The following TACC1 variants were observed in gnomAD, a reference collection of about 807,000 sequenced individuals.
TACC1 encodes the protein transforming acidic coiled-coil-containing protein 1.
Under a neutral mutation model 84.4 loss-of-function variants are expected in TACC1, and 48 were observed. The observed-to-expected ratio is 0.57, with a 90% CI of 0.45 to 0.72. TACC1 has a LOEUF of 0.72. Among genes scored for constraint, TACC1 ranks in the 30% least tolerant of loss-of-function variants. TACC1 has a pLI of 0.00. For missense variants in TACC1, 920 were observed against 973.0 expected (o/e 0.95, Z 0.72); for synonymous variants, 372 against 376.3 (o/e 0.99, Z 0.13).
At chr8:38,762,004 A>G (rs1369030516) in intron 3 of TACC1, among the ~76,000 whole-genome samples, 1 of 152,248 alleles carries the variant, frequency 6.6e-6, no homozygotes, top group African/African-American at 2.4e-5. Flanking sequence ...AATTATTTGT[A>G]TCTACTGAAT....
intron 1 of TACC1, among the ~76,000 whole-genome samples, chr8:38,737,401 G>A (rs1806172780): frequency 6.6e-6 from 1 of 152,228 alleles, no homozygotes. Flanking sequence ...CACTCACAGT[G>A]CCAGTTCTCG....
intron 2 of TACC1, among the ~76,000 whole-genome samples, chr8:38,817,989 T>G (rs186081126): frequency 9.4e-5 from 14 of 148,906 alleles, no homozygotes; most frequent in African/African-American, 3.5e-4. Flanking sequence ...CCCAGTGCTT[T>G]GGGAGACCAA....
intron 2 of TACC1, among the ~76,000 whole-genome samples, chr8:38,743,083 CT>C (rs1807388543): frequency 6.6e-6 from 1 of 152,194 alleles, no homozygotes; most frequent in South Asian, 2.1e-4. Flanking sequence ...CTTTCCAGCT[CT>C]GTTCTGTGAG....
Position 38,806,432 on chromosome 8 carries a change from T to C in TACC1, c.278-13090T>C, listed in dbSNP as rs147528264. Among the ~76,000 whole-genome samples the C allele has an allele frequency of 2.4e-3, 357 of 151,688 alleles. 2 individuals are homozygous for C. The highest frequency in any genetic ancestry group is 8.0e-3 in the African/African-American group (332 of 41,346). On this transcript the variant is annotated intron_variant, in intron 2 of 12. Coordinates refer to ENST00000317827, the MANE Select transcript of TACC1 (RefSeq NM_006283.3). Reference sequence around the variant, plus strand: ...ATTGAGGGGGGGCTCTCTAGCATGATTGAGTCATGGTCTGCCTGTGTGTGT... The same window carrying C: ...ATTGAGGGGGGGCTCTCTAGCATGACTGAGTCATGGTCTGCCTGTGTGTGT...
chr8:38,772,788 TA>T (rs1363609748), intron 3 of TACC1, among the ~76,000 whole-genome samples: 1 of 152,070 alleles, frequency 6.6e-6, no homozygotes, highest in Non-Finnish European at 1.5e-5. Flanking sequence ...TTGATTTAAA[TA>T]TTACTATTCA....
chr8:38,783,073 T>C (rs1422356519), upstream of TACC1, among the ~76,000 whole-genome samples: 3 of 78,746 alleles, frequency 3.8e-5, no homozygotes, highest in Non-Finnish European at 7.4e-5. Context: ...TAAATATCTA[T>C]CTATCTATCT....
chr8:38,842,525 T>C (rs1321753665), intron 10 of TACC1, 78 bp downstream of exon 10: 37 of 1,443,672 alleles, frequency 2.6e-5, no homozygotes, highest in Non-Finnish European at 3.1e-5. Context: ...CAAATACATA[T>C]GCCAGAGGTT....
chr8:38,769,429 G>T (rs1813015583), intron 3 of TACC1, among the ~76,000 whole-genome samples: 1 of 139,122 alleles, frequency 7.2e-6, no homozygotes, highest in African/African-American at 2.6e-5. Context: ...TGTATGAGGT[G>T]GGGGGGTGTG....
At chr8:38,793,860 G>T (rs1819342708) in intron 2 of TACC1, among the ~76,000 whole-genome samples, 1 of 152,112 alleles carries the variant, frequency 6.6e-6, no homozygotes, top group East Asian at 1.9e-4. Context: ...CAAATGTCTG[G>T]CAAAAGTCTA....
intron 8 of TACC1, among the ~76,000 whole-genome samples, chr8:38,838,799 C>T (rs1830688677): frequency 6.6e-6 from 1 of 152,100 alleles, no homozygotes; most frequent in Non-Finnish European, 1.5e-5. Flanking sequence ...CCACATAATT[C>T]TTATCTTCTT....
chr8:38,783,102 CTATCTATA>C (rs1442002590), upstream of TACC1, among the ~76,000 whole-genome samples: 8,929 of 96,700 alleles, frequency 0.092, 309 homozygotes, highest in South Asian at 0.16. Flanking sequence ...ATCTATCTAT[CTATCTATA>C]TATATATATA....
At chr8:38,757,664 A>G (rs1286720027) in intron 3 of TACC1, among the ~76,000 whole-genome samples, 1 of 151,954 alleles carries the variant, frequency 6.6e-6, no homozygotes, top group Non-Finnish European at 1.5e-5. Flanking sequence ...GCCCCAGTAC[A>G]CGCTGTACTG....
rs139892133 is a variant in TACC1 at position 38,819,994 on chromosome 8, C to G, written c.750C>G (p.Thr250=). The part of the protein sequence containing the change: ...KKAIGGEFSD[T]NAAVEGTPLP... ...CAATTGGAGGAGAGTTCTCAGACACCAACGCTGCTGTGGAGGGCACACCTC... is the reference window on the plus strand; with the variant it reads ...CAATTGGAGGAGAGTTCTCAGACACGAACGCTGCTGTGGAGGGCACACCTC... Residue 250 remains threonine, a synonymous_variant, in exon 3 of 13, where the codon ACC becomes ACG. Coordinates refer to ENST00000317827, the MANE Select transcript of TACC1 (RefSeq NM_006283.3). 1 of 1,614,006 alleles carries G rather than the reference C, an allele frequency of 6.2e-7. No individual in the cohort carries two copies. The highest frequency in any genetic ancestry group is 8.5e-7 in the Non-Finnish European group (1 of 1,180,034).
At chr8:38,777,618 C>T (rs1190439530) in intron 3 of TACC1, among the ~76,000 whole-genome samples, 3 of 152,090 alleles carry the variant, frequency 2.0e-5, no homozygotes, top group Non-Finnish European at 4.4e-5. Context: ...CCTGTTTCTA[C>T]AAACAAAACA....
chr8:38,746,755 T>C (rs1808163607), intron 3 of TACC1, among the ~76,000 whole-genome samples: 1 of 152,216 alleles, frequency 6.6e-6, no homozygotes, highest in Non-Finnish European at 1.5e-5. Flanking sequence ...AAATGGGCCA[T>C]GAAAAGTTAA....
chr8:38,807,143 T>G (rs1822951948), intron 2 of TACC1, among the ~76,000 whole-genome samples: 1 of 152,182 alleles, frequency 6.6e-6, no homozygotes, highest in Non-Finnish European at 1.5e-5. Context: ...ATCTAAGCGT[T>G]TGCCAGCCCA....
Position 38,827,311 on chromosome 8 carries a change from G to C in TACC1, c.1596G>C (p.Glu532Asp). ...EVKGEPEEDLEYFECSNVPVS... is the reference protein window; with the variant it reads ...EVKGEPEEDLDYFECSNVPVS... Reference sequence around the variant, plus strand: ...AAGGTGAGCCAGAGGAAGACCTGGAGTACTTTGAATGTTCCAATGTTCCTG... The same window carrying C: ...AAGGTGAGCCAGAGGAAGACCTGGACTACTTTGAATGTTCCAATGTTCCTG... The change falls in exon 5 of 13, where the codon GAG becomes GAC. Residue 532 changes from glutamate to aspartate, a missense_variant. Around this residue, in one of 2 missense-constraint regions of TACC1, gnomAD observed 762 missense variants for 747.3 expected, o/e 1.02. Coordinates refer to ENST00000317827, the MANE Select transcript of TACC1 (RefSeq NM_006283.3). The C allele has an allele frequency of 6.2e-7, 1 of 1,614,212 alleles. No individual in the cohort carries two copies. The highest frequency in any genetic ancestry group is 8.5e-7 in the Non-Finnish European group (1 of 1,180,046).
At chr8:38,824,008 A>G in intron 3 of TACC1, 1 of 1,351,856 alleles carries the variant, frequency 7.4e-7, no homozygotes, top group Non-Finnish European at 9.8e-7. Context: ...AACAAGTGAA[A>G]TTTCTCTGTT....
intron 6 of TACC1, among the ~76,000 whole-genome samples, chr8:38,834,764 ACT>A (rs1471688031): frequency 6.6e-6 from 1 of 152,044 alleles, no homozygotes; most frequent in Non-Finnish European, 1.5e-5. Context: ...AACTATAATG[ACT>A]CTGAAAAATT....
Sources: allele counts gnomAD v4.1 joint callset (sites outside exome capture counted in the v4.1 genomes callset), GRCh38; gene constraint gnomAD v4.1.1; regional missense constraint gnomAD v4.1.1; transcripts MANE v1.5; gene names NCBI Gene and HGNC (gene_info 2026-07-23, HGNC 2026-07-21).